Variants in RYR2 observed in about 807,000 individuals in gnomAD.
The protein encoded by RYR2 is ryanodine receptor 2, also known as cardiac muscle ryanodine receptor-calcium release channel.
A neutral mutation model predicts 601.1 loss-of-function variants in RYR2; 227 were observed. The observed-to-expected ratio is 0.38, with a 90% CI of 0.34 to 0.42. The LOEUF (loss-of-function observed/expected upper bound fraction) is 0.42, where lower values mean the gene tolerates loss of function less well. Among genes scored for constraint, RYR2 ranks in the 10% least tolerant of loss-of-function variants. The pLI, the probability that RYR2 is intolerant of heterozygous loss-of-function variation, is 1.00. For missense variants in RYR2, 4,646 were observed against 6,156.5 expected (o/e 0.75, Z 8.21); for synonymous variants, 2,223 against 2,175.1 (o/e 1.02, Z -0.61).
chr1:237,157,940 A>G (rs1336848304), intron 1 of RYR2, among the ~76,000 whole-genome samples: 1 of 152,214 alleles, frequency 6.6e-6, no homozygotes, highest in Non-Finnish European at 1.5e-5. Context: ...GTACATCCCA[A>G]CTACCCTGAT....
In RYR2 at chr1:237,140,738, T is replaced by G. The variant is rs113601022; in HGVS notation, c.48+98169T>G. On this transcript the variant is annotated intron_variant, in intron 1 of 104. Transcript: ENST00000366574. Reference sequence around the variant, plus strand: ...GGGAAGTGGATTAATTATTATAAGCTTACTCTGAACCATTACAGGTGTCTT... The same window carrying G: ...GGGAAGTGGATTAATTATTATAAGCGTACTCTGAACCATTACAGGTGTCTT... Among the ~76,000 whole-genome samples the G allele has an allele frequency of 2.0e-3, 308 of 152,298 alleles. 2 individuals carry two copies. Among genetic ancestry groups the G allele is most frequent in the African/African-American group, 7.1e-3 (296 of 41,560 alleles).
intron 1 of RYR2, among the ~76,000 whole-genome samples, chr1:237,181,899 G>A (rs911535907): frequency 1.2e-4 from 19 of 152,244 alleles, no homozygotes; most frequent in Admixed American, 3.3e-4. Flanking sequence ...ACAGACTAGC[G>A]TCACAATCTG....
chr1:237,666,851 A>C (rs1684368310), intron 57 of RYR2, among the ~76,000 whole-genome samples: 2 of 152,046 alleles, frequency 1.3e-5, no homozygotes, highest in Non-Finnish European at 2.9e-5. Flanking sequence ...CAGAGGTTGC[A>C]GTGAGCTGAG....
intron 29 of RYR2, among the ~76,000 whole-genome samples, chr1:237,577,045 G>A (rs1298604045): frequency 6.6e-6 from 1 of 152,140 alleles, no homozygotes; most frequent in East Asian, 1.9e-4. Context: ...TTGGAAAACT[G>A]TGTGACAGGA....
chr1:237,820,711 A>T (rs1284550173), intron 101 of RYR2, among the ~76,000 whole-genome samples: 1 of 152,136 alleles, frequency 6.6e-6, no homozygotes, highest in Non-Finnish European at 1.5e-5. Context: ...GAAACCAGGG[A>T]GCCAAGTGGT....
At chr1:237,404,514 A>C (rs961900160) in intron 10 of RYR2, among the ~76,000 whole-genome samples, 3 of 152,234 alleles carry the variant, frequency 2.0e-5, no homozygotes, top group African/African-American at 7.2e-5. Flanking sequence ...GGAAATGAGA[A>C]TAAGAAACCT....
chr1:237,264,929 T>C (rs1288574004), intron 1 of RYR2, among the ~76,000 whole-genome samples: 2 of 152,048 alleles, frequency 1.3e-5, no homozygotes, highest in Admixed American at 1.3e-4. Context: ...CTCAAACTCC[T>C]GACCTCAGGT....
At chr1:237,827,302 A>G (rs1204618531) in intron 101 of RYR2, among the ~76,000 whole-genome samples, 1 of 152,120 alleles carries the variant, frequency 6.6e-6, no homozygotes, top group Non-Finnish European at 1.5e-5. Context: ...GTCACAGTCA[A>G]TGAAATTATG....
At chr1:237,633,860 A>C (rs1255708178) in intron 43 of RYR2, 150 bp downstream of exon 43, 3 of 750,716 alleles carry the variant, frequency 4.0e-6, no homozygotes, top group Non-Finnish European at 4.1e-6. Context: ...ATATGAAAAA[A>C]TACTCGACAT....
chr1:237,713,995 A>G (rs945732020), intron 71 of RYR2, among the ~76,000 whole-genome samples: 1 of 151,250 alleles, frequency 6.6e-6, no homozygotes. Flanking sequence ...AATTTTTTGT[A>G]AGTTCCCACA....
chr1:237,177,750 G>A (rs1464630363), intron 1 of RYR2, among the ~76,000 whole-genome samples: 1 of 152,068 alleles, frequency 6.6e-6, no homozygotes, highest in African/African-American at 2.4e-5. Flanking sequence ...GAACAATCTT[G>A]TATGTATCCT....
At chr1:237,199,606 G>A (rs1680956097) in intron 1 of RYR2, among the ~76,000 whole-genome samples, 1 of 152,304 alleles carries the variant, frequency 6.6e-6, no homozygotes, top group South Asian at 2.1e-4. Context: ...CACTGACTCA[G>A]TGTTAATCTT....
At chr1:237,648,696 T>TGTCAATA in intron 49 of RYR2, 83 bp downstream of exon 49, 1 of 1,404,438 alleles carries the variant, frequency 7.1e-7, no homozygotes, top group Non-Finnish European at 9.5e-7. Context: ...ATCCATTCAT[T>TGTCAATA]AATTTATTGA....
chr1:237,831,655 A>AATAAT, intron 104 of RYR2, 90 bp downstream of exon 104: 1 of 744,570 alleles, frequency 1.3e-6, no homozygotes, highest in Non-Finnish European at 2.3e-6. Flanking sequence ...ACAGTGAGGC[A>AATAAT]CGGAATTACT....
intron 1 of RYR2, among the ~76,000 whole-genome samples, chr1:237,091,921 A>G (rs1667000616): frequency 6.6e-6 from 1 of 152,268 alleles, no homozygotes; most frequent in South Asian, 2.1e-4. Context: ...TTGGCTGAGA[A>G]GATGGGAATA....
intron 80 of RYR2, among the ~76,000 whole-genome samples, chr1:237,754,561 G>A (rs371957557): frequency 6.6e-6 from 1 of 152,212 alleles, no homozygotes; most frequent in African/African-American, 2.4e-5. Flanking sequence ...TGCCTCTTTA[G>A]TTGATGAAAA....
intron 12 of RYR2, among the ~76,000 whole-genome samples, chr1:237,425,410 C>G (rs931040498): frequency 6.6e-6 from 1 of 151,964 alleles, no homozygotes; most frequent in African/African-American, 2.4e-5. Context: ...ACCTGTAATC[C>G]CAGCACTTTG....
At chr1:237,261,054 ATTTTATTTG>A (rs1688460546) in intron 1 of RYR2, among the ~76,000 whole-genome samples, 1 of 152,266 alleles carries the variant, frequency 6.6e-6, no homozygotes, top group African/African-American at 2.4e-5. Flanking sequence ...CATAGATAAC[ATTTTATTTG>A]TCTGTATGAC....
chr1:237,199,498 G>A (rs1365748017), intron 1 of RYR2, among the ~76,000 whole-genome samples: 1 of 152,208 alleles, frequency 6.6e-6, no homozygotes, highest in Non-Finnish European at 1.5e-5. Context: ...AGCAAGTCTT[G>A]TCTTTCAGCC....
Sources: allele counts gnomAD v4.1 joint callset (sites outside exome capture counted in the v4.1 genomes callset), GRCh38; gene constraint gnomAD v4.1.1; transcripts MANE v1.5; gene names NCBI Gene and HGNC (gene_info 2026-07-23, HGNC 2026-07-21).